Variants in GRM7 observed in about 807,000 individuals in gnomAD.
GRM7 encodes metabotropic glutamate receptor 7.
GRM7 carries 35 observed loss-of-function variants against 84.5 expected under a neutral mutation model. The observed-to-expected ratio is 0.41, with a 90% CI of 0.32 to 0.55. The LOEUF (loss-of-function observed/expected upper bound fraction) is 0.55, where lower values mean the gene tolerates loss of function less well. GRM7 is among the 20% of genes least tolerant of loss of function. The pLI is 0.19. For synonymous variants in GRM7, 487 were observed against 455.1 expected, an observed-to-expected ratio of 1.07 and a Z score of -0.89; for missense variants, 1,003 against 1,194.6, an observed-to-expected ratio of 0.84 and a Z score of 2.36.
At chr3:7,149,419 A>G (rs185616855) in intron 2 of GRM7, among the ~76,000 whole-genome samples, 1 of 152,332 alleles carries the variant, frequency 6.6e-6, no homozygotes, top group Non-Finnish European at 1.5e-5. Flanking sequence ...AGAAATAATC[A>G]TATATTCTCA....
At chr3:7,074,007 A>T (rs1012595329) in intron 1 of GRM7, among the ~76,000 whole-genome samples, 6 of 152,196 alleles carry the variant, frequency 3.9e-5, no homozygotes, top group African/African-American at 1.4e-4. Flanking sequence ...TTACTTGCAA[A>T]ACATTGCTGG....
chr3:7,533,302 G>T (rs1701116240), intron 7 of GRM7, among the ~76,000 whole-genome samples: 1 of 152,128 alleles, frequency 6.6e-6, no homozygotes, highest in Admixed American at 6.6e-5. Flanking sequence ...CATTCTCTCA[G>T]ACCACAGTGC....
chr3:7,258,102 A>C (rs985646010), intron 2 of GRM7, among the ~76,000 whole-genome samples: 1 of 152,156 alleles, frequency 6.6e-6, no homozygotes, highest in African/African-American at 2.4e-5. Context: ...AGTAGCACCC[A>C]GTGACACAGC....
chr3:7,213,128 C>T (rs907631530), intron 2 of GRM7, among the ~76,000 whole-genome samples: 1 of 152,190 alleles, frequency 6.6e-6, no homozygotes, highest in African/African-American at 2.4e-5. Context: ...CTTTCAATCC[C>T]TGCTCAAGGC....
intron 8 of GRM7, among the ~76,000 whole-genome samples, chr3:7,597,846 G>A (rs1696123255): frequency 1.3e-5 from 2 of 152,168 alleles, no homozygotes; most frequent in Non-Finnish European, 2.9e-5. Flanking sequence ...AAATAGCATA[G>A]TCCCGGGTTG....
intron 2 of GRM7, among the ~76,000 whole-genome samples, chr3:7,274,083 C>T (rs1004139398): frequency 6.6e-5 from 10 of 151,910 alleles, no homozygotes; most frequent in African/African-American, 2.2e-4. Context: ...AATACATTTT[C>T]AACTAGTCCA....
At chr3:7,388,778 A>T (rs1603876) in intron 4 of GRM7, among the ~76,000 whole-genome samples, 1 of 151,706 alleles carries the variant, frequency 6.6e-6, no homozygotes, top group Non-Finnish European at 1.5e-5. Context: ...GTGCTTTTTG[A>T]GTATTCTTTT....
chr3:7,637,756 T>C (rs529419555), intron 8 of GRM7, among the ~76,000 whole-genome samples: 13 of 152,290 alleles, frequency 8.5e-5, no homozygotes, highest in Non-Finnish European at 1.8e-4. Context: ...CATGTGAACT[T>C]GATGCAAGAA....
chr3:6,910,757 A>T (rs1696740979), intron 1 of GRM7, among the ~76,000 whole-genome samples: 1 of 152,156 alleles, frequency 6.6e-6, no homozygotes, highest in Non-Finnish European at 1.5e-5. Context: ...CAGGAAGAGG[A>T]AACCAAAGCA....
intron 2 of GRM7, among the ~76,000 whole-genome samples, chr3:7,270,369 A>G (rs1032696620): frequency 3.3e-5 from 5 of 152,218 alleles, no homozygotes; most frequent in African/African-American, 7.2e-5. Flanking sequence ...TGTCTTTTGT[A>G]TACCATAGTA....
intron 2 of GRM7, among the ~76,000 whole-genome samples, chr3:7,246,319 C>T (rs973146637): frequency 1.3e-5 from 2 of 152,064 alleles, no homozygotes; most frequent in Non-Finnish European, 2.9e-5. Context: ...CGGTGGGGAG[C>T]CTTAAATTTA....
At chr3:7,138,188 T>C (rs910908820) in intron 1 of GRM7, among the ~76,000 whole-genome samples, 1 of 152,002 alleles carries the variant, frequency 6.6e-6, no homozygotes, top group Non-Finnish European at 1.5e-5. Context: ...ATCAAAGTCC[T>C]AGCCCATAAC....
chr3:6,916,082 T>C (rs1168906256), intron 1 of GRM7, among the ~76,000 whole-genome samples: 1 of 152,230 alleles, frequency 6.6e-6, no homozygotes, highest in Non-Finnish European at 1.5e-5. Flanking sequence ...ATCATTGATC[T>C]GGTTACATAT....
rs77102727 is a variant in GRM7 at position 7,417,257 on chromosome 3, C to T, written c.1174+2094C>T. ...TTCGTATATTCTCACCTTCCTTTTT[C>T]CTTCCTCATCACTTTCTTTGTGATG... On this transcript the variant is annotated intron_variant, in intron 5 of 9. Coordinates refer to ENST00000357716, the MANE Select transcript of GRM7 (RefSeq NM_000844.4). 8.1e-3 allele frequency among the ~76,000 whole-genome samples: 1,230 copies of T among 152,102 alleles called. 7 individuals are homozygous for T. Among genetic ancestry groups the T allele is most frequent in the African/African-American group, 0.025 (1,031 of 41,504 alleles).
intron 2 of GRM7, among the ~76,000 whole-genome samples, chr3:7,196,978 C>T (rs1054943911): frequency 2.0e-5 from 3 of 152,126 alleles, no homozygotes; most frequent in African/African-American, 4.8e-5. Flanking sequence ...ATTTGAAACA[C>T]TTTAATAGAT....
intron 7 of GRM7, among the ~76,000 whole-genome samples, chr3:7,519,117 GT>G (rs1264275962): frequency 2.0e-5 from 3 of 152,102 alleles, no homozygotes; most frequent in Non-Finnish European, 4.4e-5. Flanking sequence ...TATCAACCCA[GT>G]TTTTTTCACT....
intron 4 of GRM7, among the ~76,000 whole-genome samples, chr3:7,410,596 T>TACACAC (rs767671354): frequency 1.6e-3 from 112 of 68,794 alleles, no homozygotes; most frequent in Middle Eastern, 7.4e-3. Flanking sequence ...TATATATATA[T>TACACAC]ATACACACAC....
rs915722555 is a variant in GRM7 at position 6,863,432 on chromosome 3, G to T, written c.519+1525G>T. Among the ~76,000 whole-genome samples, 3 of 152,186 alleles carry T rather than the reference G, an allele frequency of 2.0e-5. No homozygotes were observed. The highest frequency in any genetic ancestry group is 7.2e-5 in the African/African-American group (3 of 41,446). On this transcript the variant is annotated intron_variant, in intron 1 of 9. Transcript: ENST00000357716. This position sits in a 1 kb window ranked among gnomAD's most constrained non-coding sequence, Gnocchi z 4.8. ...GGCTGTCATCACATCACCTCCAGGAGTGTGAAGTTTGCATTCAGGAAAGAG... is the reference window on the plus strand; with the variant it reads ...GGCTGTCATCACATCACCTCCAGGATTGTGAAGTTTGCATTCAGGAAAGAG...
At chr3:7,249,038 G>A (rs1241506266) in intron 2 of GRM7, among the ~76,000 whole-genome samples, 2 of 152,056 alleles carry the variant, frequency 1.3e-5, no homozygotes, top group Non-Finnish European at 2.9e-5. Flanking sequence ...ACATTAACTC[G>A]AGGACTTTAC....
Sources: allele counts gnomAD v4.1 joint callset (sites outside exome capture counted in the v4.1 genomes callset), GRCh38; gene constraint gnomAD v4.1.1; non-coding constraint Gnocchi (gnomAD v3.1); transcripts MANE v1.5; gene names NCBI Gene and HGNC (gene_info 2026-07-23, HGNC 2026-07-21).